Variants in ZDHHC14 observed in about 807,000 individuals in gnomAD.
The protein encoded by ZDHHC14 is palmitoyltransferase ZDHHC14.
A neutral mutation model predicts 47.7 loss-of-function variants in ZDHHC14; 16 were observed. The ratio of observed to expected loss-of-function variants is 0.34; its 90% CI spans 0.23 to 0.51. The LOEUF is 0.51. Among genes scored for constraint, ZDHHC14 ranks in the 20% least tolerant of loss-of-function variants. The pLI is 0.97. For synonymous variants in ZDHHC14, 293 were observed against 278.9 expected (o/e 1.05, Z -0.50); for missense variants, 515 against 662.5 (o/e 0.78, Z 2.44).
At chr6:157,441,435 G>A (rs1467421450) in intron 1 of ZDHHC14, among the ~76,000 whole-genome samples, 2 of 152,242 alleles carry the variant, frequency 1.3e-5, no homozygotes, top group African/African-American at 4.8e-5. Context: ...ATTGGCAGAT[G>A]TGTTGTGTGG....
chr6:157,637,631 C>T (rs1323265161), intron 5 of ZDHHC14, among the ~76,000 whole-genome samples: 1 of 152,222 alleles, frequency 6.6e-6, no homozygotes. Flanking sequence ...TCCCAGCTGA[C>T]TTGCCTGAGC....
At chr6:157,569,576 C>CA (rs1783024845) in intron 2 of ZDHHC14, among the ~76,000 whole-genome samples, 1 of 152,048 alleles carries the variant, frequency 6.6e-6, no homozygotes, top group Non-Finnish European at 1.5e-5. Context: ...AGTTTAGAAT[C>CA]ATTTTGTCAA....
intron 1 of ZDHHC14, among the ~76,000 whole-genome samples, chr6:157,521,397 C>T (rs759903163): frequency 7.9e-5 from 12 of 152,202 alleles, no homozygotes; most frequent in African/African-American, 1.2e-4. Flanking sequence ...TTCGTCTGTT[C>T]AGGCATCTAT....
At position 157,542,685 on chromosome 6, in the gene ZDHHC14, G is replaced by A; in HGVS notation, c.346G>A (p.Asp116Asn). Residue 116 changes from aspartate to asparagine, a missense_variant, in exon 2 of 9, where the codon GAC (aspartate) becomes AAC (asparagine). Physicochemically the swap from Asp to Asn is conservative, Grantham distance 23. Transcript: ENST00000359775. ...MGTLLRTSFS[D>N]PGVLPRATPD... ...GACCCTGCTCCGCACCAGCTTCAGC[G>A]ACCCCGGAGTCCTCCCACGAGCCAC... 6.2e-7 allele frequency: 1 copy of A among 1,614,100 alleles called. No homozygotes were observed.
intron 1 of ZDHHC14, among the ~76,000 whole-genome samples, chr6:157,468,693 G>A (rs1241958044): frequency 6.6e-6 from 1 of 152,180 alleles, no homozygotes; most frequent in Non-Finnish European, 1.5e-5. Flanking sequence ...GAGTAATGCT[G>A]ATTTCCTGTT....
intron 8 of ZDHHC14, among the ~76,000 whole-genome samples, chr6:157,668,522 TAAA>T (rs34696696): frequency 0.03 from 3,706 of 123,904 alleles, 205 homozygotes; most frequent in Admixed American, 0.15. Context: ...CCATCTCCAC[TAAA>T]AAAAAAAAAA....
intron 1 of ZDHHC14, among the ~76,000 whole-genome samples, chr6:157,478,241 CAAT>C (rs958992014): frequency 1.3e-5 from 2 of 152,068 alleles, no homozygotes; most frequent in Non-Finnish European, 2.9e-5. Flanking sequence ...AAAAATTGAA[CAAT>C]GATAGAGTTT....
chr6:157,623,192 C>T (rs1039779778), intron 3 of ZDHHC14, among the ~76,000 whole-genome samples: 1 of 152,192 alleles, frequency 6.6e-6, no homozygotes, highest in African/African-American at 2.4e-5. Context: ...CCACCCAAAT[C>T]TCATCCTTAA....
intron 1 of ZDHHC14, among the ~76,000 whole-genome samples, chr6:157,520,318 T>G (rs1055848324): frequency 3.3e-5 from 5 of 152,238 alleles, no homozygotes; most frequent in Admixed American, 2.6e-4. Flanking sequence ...TGTCCTGGCT[T>G]CTAAGTTTCA....
intron 7 of ZDHHC14, among the ~76,000 whole-genome samples, chr6:157,650,557 T>C (rs1040008488): frequency 2.0e-5 from 3 of 152,050 alleles, no homozygotes; most frequent in Non-Finnish European, 4.4e-5. Flanking sequence ...TTCTCCCTGC[T>C]GTCCCTTCAG....
intron 1 of ZDHHC14, among the ~76,000 whole-genome samples, chr6:157,472,777 A>C (rs550256006): frequency 1.3e-5 from 2 of 152,322 alleles, no homozygotes; most frequent in African/African-American, 4.8e-5. Flanking sequence ...ACATGTGGAT[A>C]CAAAGGGCAG....
At chr6:157,624,725 CTTTTGA>C (rs1268317677) in intron 3 of ZDHHC14, among the ~76,000 whole-genome samples, 8 of 152,184 alleles carry the variant, frequency 5.3e-5, no homozygotes, top group Admixed American at 3.9e-4. Flanking sequence ...TGCAGATGTC[CTTTTGA>C]TAAGATGAGA....
chr6:157,494,546 G>A (rs138240659), intron 1 of ZDHHC14, among the ~76,000 whole-genome samples: 113 of 152,344 alleles, frequency 7.4e-4, no homozygotes, highest in African/African-American at 2.5e-3. Flanking sequence ...GGCTCTGGAA[G>A]CTCTTTCCAA....
intron 8 of ZDHHC14, among the ~76,000 whole-genome samples, chr6:157,665,563 G>T (rs1778517905): frequency 6.6e-6 from 1 of 152,182 alleles, no homozygotes; most frequent in Non-Finnish European, 1.5e-5. Context: ...TTTCTTGAAT[G>T]ATAGAAGACG....
At chr6:157,645,692 C>G in intron 5 of ZDHHC14, 45 bp from the exon 6 acceptor site, 2 of 1,537,020 alleles carry the variant, frequency 1.3e-6, no homozygotes, top group Non-Finnish European at 1.8e-6. Context: ...ACATCCACTT[C>G]TTGCGCGGTC....
chr6:157,416,972 G>GTTTTTTTTGTTT (rs1777988938), intron 1 of ZDHHC14, among the ~76,000 whole-genome samples: 1 of 45,558 alleles, frequency 2.2e-5, no homozygotes, highest in African/African-American at 1.1e-4. Context: ...TGCCTGGCTA[G>GTTTTTTTTGTTT]TTTTTTTTTT....
At chr6:157,389,826 G>T (rs760349677) in intron 1 of ZDHHC14, among the ~76,000 whole-genome samples, 1 of 151,848 alleles carries the variant, frequency 6.6e-6, no homozygotes, top group African/African-American at 2.4e-5. Context: ...TATAAAGCCA[G>T]TAATGTTATT....
At chr6:157,512,225 G>A (rs146889739) in intron 1 of ZDHHC14, among the ~76,000 whole-genome samples, 2,682 of 152,270 alleles carry the variant, frequency 0.018, 79 homozygotes, top group African/African-American at 0.061. Context: ...GTGTGGAGCC[G>A]GGATTTGAAC....
At chr6:157,629,356 C>A (rs1311311410) in intron 4 of ZDHHC14, 1 of 152,178 alleles carries the variant, frequency 6.6e-6, no homozygotes, top group Non-Finnish European at 1.5e-5. Context: ...TGAAGCATAA[C>A]CCTTCATTAG....
Sources: allele counts gnomAD v4.1 joint callset (sites outside exome capture counted in the v4.1 genomes callset), GRCh38; gene constraint gnomAD v4.1.1; transcripts MANE v1.5; gene names NCBI Gene and HGNC (gene_info 2026-07-23, HGNC 2026-07-21).